USP53: variants seen among roughly 807,000 people sequenced by gnomAD.
USP53 encodes ubiquitin specific peptidase 53, also known as ubiquitin carboxyl-terminal hydrolase 53.
In USP53, 71 loss-of-function variants were observed where a neutral mutation model predicts 94.9. The ratio of observed to expected loss-of-function variants is 0.75; its 90% CI spans 0.62 to 0.91. The LOEUF (loss-of-function observed/expected upper bound fraction) is 0.91, where lower values mean the gene tolerates loss of function less well. USP53 is among the 40% of genes least tolerant of loss of function. The pLI, the probability that USP53 is intolerant of heterozygous loss-of-function variation, is 0.00. For synonymous variants in USP53, 375 were observed against 422.7 expected (o/e 0.89, Z 1.39); for missense variants, 1,173 against 1,281.0 (o/e 0.92, Z 1.29).
At chr4:119,244,220 C>T (rs780474026) in intron 5 of USP53, among the ~76,000 whole-genome samples, 13 of 152,150 alleles carry the variant, frequency 8.5e-5, no homozygotes, top group Non-Finnish European at 1.5e-4. Context: ...TAAACATCAT[C>T]AAGTGCTTTG....
At chr4:119,246,909 G>GTAAAA (rs1455547488) in intron 6 of USP53, among the ~76,000 whole-genome samples, 1 of 151,652 alleles carries the variant, frequency 6.6e-6, no homozygotes, top group Non-Finnish European at 1.5e-5. Context: ...TTACATTCTT[G>GTAAAA]AATATTCATA....
intron 3 of USP53, among the ~76,000 whole-genome samples, chr4:119,222,376 T>C (rs1225102988): frequency 1.3e-5 from 2 of 152,362 alleles, no homozygotes; most frequent in African/African-American, 4.8e-5. Context: ...CACTGTGTTG[T>C]GCTACTGAAC....
rs370691675 is a variant in USP53, at chr4:119,271,326, A to T, written c.1466A>T (p.Gln489Leu). The change falls in exon 16 of 19, where the codon CAA (glutamine) becomes CTA (leucine). Residue 489 changes from glutamine to leucine, a missense_variant. Coordinates refer to ENST00000692078, the MANE Select transcript of USP53 (RefSeq NM_001371395.1). ...DLVDEDLSHFQSGSPPAPNGF... is the reference protein window; with the variant it reads ...DLVDEDLSHFLSGSPPAPNGF... ...GTTGATGAAGACCTTTCACATTTCC[A>T]ATCTGGATCACCTCCTGCCCCAAAT... is the stretch of plus-strand genomic sequence containing the variant. The T allele has an allele frequency of 4.3e-5, 68 of 1,570,942 alleles. No homozygotes were observed. The African/African-American group carries it at 7.8e-4, about 18-fold the overall frequency.
At position 119,269,709 on chromosome 4, in the gene USP53, A is replaced by G; in HGVS notation, c.1307A>G (p.Asp436Gly). The change falls in exon 15 of 19, where the codon GAT becomes GGT. Residue 436 changes from aspartate to glycine, a missense_variant. Asp to Gly is a moderately conservative substitution (Grantham distance 94). Coordinates refer to ENST00000692078, the MANE Select transcript of USP53 (RefSeq NM_001371395.1). The stretch of plus-strand genomic sequence containing the variant: ...TTTACAGCTAAGTTAAGTCACATTG[A>G]TCAAAGGGAAAAGATAAAAGACATT... The part of the protein sequence containing the change: ...GKGPAKLSHI[D>G]QREKIKDISR... The G allele has an allele frequency of 6.8e-7, 1 of 1,479,904 alleles. No homozygotes were observed. Among genetic ancestry groups the G allele is most frequent in the Non-Finnish European group, 9.0e-7 (1 of 1,116,948 alleles). 91.7% of individuals were successfully genotyped at this position (1,479,904 alleles called of 1,614,324 possible).
intron 17 of USP53, among the ~76,000 whole-genome samples, chr4:119,275,710 T>C (rs959311348): frequency 1.1e-4 from 17 of 152,240 alleles, no homozygotes; most frequent in Middle Eastern, 3.4e-3. Flanking sequence ...TTTCACGATA[T>C]TGATTCTTCC....
At chr4:119,243,471 T>A (rs1246583209) in intron 5 of USP53, among the ~76,000 whole-genome samples, 1 of 151,988 alleles carries the variant, frequency 6.6e-6, no homozygotes, top group Non-Finnish European at 1.5e-5. Context: ...ACACTCCAGC[T>A]TGGGCAACAA....
intron 3 of USP53, among the ~76,000 whole-genome samples, chr4:119,230,932 C>T (rs890467674): frequency 6.6e-6 from 1 of 152,120 alleles, no homozygotes; most frequent in African/African-American, 2.4e-5. Flanking sequence ...GGTACATGTT[C>T]CATGAAGTCA....
intron 17 of USP53, among the ~76,000 whole-genome samples, chr4:119,279,822 G>A (rs1046834414): frequency 1.3e-5 from 2 of 152,148 alleles, no homozygotes; most frequent in African/African-American, 2.4e-5. Flanking sequence ...TTTTTAAGCC[G>A]GTCCGAAAAG....
At chr4:119,263,110 G>C (rs1265740940) in intron 12 of USP53, among the ~76,000 whole-genome samples, 2 of 152,174 alleles carry the variant, frequency 1.3e-5, no homozygotes, top group Non-Finnish European at 2.9e-5. Flanking sequence ...TCAGCACTGT[G>C]ATTAAGACAA....
chr4:119,279,974 A>G (rs996590204), intron 17 of USP53, among the ~76,000 whole-genome samples: 9 of 151,982 alleles, frequency 5.9e-5, no homozygotes, highest in Non-Finnish European at 1.0e-4. Flanking sequence ...CACGGTGCGC[A>G]CACCCACTGG....
rs1267455537 is a variant in USP53, at chr4:119,256,158, C to T, written c.373-88C>T. 6.8e-6 allele frequency: 6 copies of T among 887,030 alleles called. No homozygotes were observed. The Admixed American group carries it at 1.6e-4, about 24-fold the overall frequency. 54.9% of individuals were successfully genotyped at this position (887,030 alleles called of 1,614,324 possible). A position where few individuals can be genotyped will look rare whatever the true frequency, so the allele number is the denominator to read the frequency against. ...TATGTATGACACTCTTAAATTTATA[C>T]TTTGGATAATCTGCAGGTAAAGAGT... On this transcript the variant is annotated intron_variant, in intron 7 of 18. Coordinates refer to ENST00000692078, the MANE Select transcript of USP53 (RefSeq NM_001371395.1).
chr4:119,243,909 C>T (rs554880284), intron 5 of USP53, among the ~76,000 whole-genome samples: 4 of 152,296 alleles, frequency 2.6e-5, no homozygotes, highest in African/African-American at 9.6e-5. Flanking sequence ...CTTGTTTCAA[C>T]ATTGCATATG....
chr4:119,242,479 T>C (rs1747671209), intron 5 of USP53, among the ~76,000 whole-genome samples: 1 of 152,180 alleles, frequency 6.6e-6, no homozygotes, highest in Non-Finnish European at 1.5e-5. Flanking sequence ...ATCTTGGGCC[T>C]GTGAGCTCTG....
At chr4:119,273,751 A>C in intron 17 of USP53, 43 bp downstream of exon 17, 1 of 1,493,054 alleles carries the variant, frequency 6.7e-7, no homozygotes, top group Non-Finnish European at 9.2e-7. Flanking sequence ...TAAAAAATGA[A>C]TTATAGTAAT....
chr4:119,244,205 GTTA>G (rs1422358499), intron 5 of USP53, among the ~76,000 whole-genome samples: 4 of 152,142 alleles, frequency 2.6e-5, no homozygotes, highest in African/African-American at 9.7e-5. Flanking sequence ...ACTCAAGAAA[GTTA>G]TTAAACATCA....
chr4:119,245,568 G>T, intron 6 of USP53, 139 bp downstream of exon 6: 1 of 634,760 alleles, frequency 1.6e-6, no homozygotes, highest in Non-Finnish European at 2.7e-6. Context: ...TTAACAGTAT[G>T]ACTTATTCAG....
intron 1 of USP53, among the ~76,000 whole-genome samples, chr4:119,213,660 A>ATATG: frequency 1.9e-4 from 22 of 117,778 alleles, no homozygotes; most frequent in Admixed American, 6.1e-4. Flanking sequence ...ATATATATAT[A>ATATG]TGTGTGTGTG....
chr4:119,240,034 TG>T, intron 5 of USP53, 131 bp downstream of exon 5: 1 of 1,018,094 alleles, frequency 9.8e-7, no homozygotes, highest in South Asian at 4.7e-5. Context: ...TAACTTTAAA[TG>T]GGAGCAAAAG....
chr4:119,266,384 G>C (rs917721862), intron 12 of USP53: 1 of 455,388 alleles, frequency 2.2e-6, no homozygotes, highest in Non-Finnish European at 4.4e-6. Flanking sequence ...TTTCCAAAGT[G>C]GTTATACCAA....
Sources: gnomAD v4.1 joint callset for allele counts (sites outside exome capture counted in the v4.1 genomes callset) on GRCh38, gnomAD v4.1.1 for gene constraint, MANE v1.5 for transcripts, NCBI Gene and HGNC (gene_info 2026-07-23, HGNC 2026-07-21) for gene names.